UBR1: variants seen among roughly 807,000 people sequenced by gnomAD.
UBR1 encodes ubiquitin protein ligase E3 component n-recognin 1.
Under a neutral mutation model 242.1 loss-of-function variants are expected in UBR1, and 102 were observed. The ratio of observed to expected loss-of-function variants is 0.42; its 90% CI spans 0.36 to 0.50. The LOEUF (loss-of-function observed/expected upper bound fraction) is 0.50. Ranked by LOEUF, UBR1 falls within the 20% of genes least tolerant of loss-of-function variation. The pLI, the probability that UBR1 is intolerant of heterozygous loss-of-function variation, is 0.01. For synonymous variants in UBR1, 675 were observed against 684.8 expected (o/e 0.99, Z 0.22); for missense variants, 1,772 against 2,101.8 (o/e 0.84, Z 3.07).
chr15:43,031,585 C>G (rs1487032886), intron 20 of UBR1, among the ~76,000 whole-genome samples: 1 of 152,186 alleles, frequency 6.6e-6, no homozygotes, highest in Non-Finnish European at 1.5e-5. Flanking sequence ...GGTCTAGCAA[C>G]TAGCTCTCTG....
intron 3 of UBR1, among the ~76,000 whole-genome samples, chr15:43,079,545 C>T (rs537508848): frequency 3.9e-5 from 6 of 152,026 alleles, no homozygotes; most frequent in African/African-American, 7.2e-5. Context: ...TTTGGGAGGA[C>T]GAGGCGGGTG....
chr15:43,024,212 T>C (rs962406937), intron 25 of UBR1, among the ~76,000 whole-genome samples: 9 of 152,204 alleles, frequency 5.9e-5, no homozygotes, highest in Admixed American at 5.9e-4. Context: ...GGCACACATA[T>C]GGCAATGACA....
intron 33 of UBR1, among the ~76,000 whole-genome samples, chr15:42,995,824 TGAA>T (rs1239976234): frequency 6.6e-6 from 1 of 152,178 alleles, no homozygotes; most frequent in Non-Finnish European, 1.5e-5. Flanking sequence ...TGTTATAAAA[TGAA>T]GGAGGAGGGG....
chr15:43,041,299 T>C (rs545447621), intron 15 of UBR1, among the ~76,000 whole-genome samples: 1 of 152,292 alleles, frequency 6.6e-6, no homozygotes, highest in East Asian at 1.9e-4. Flanking sequence ...TGTAGGGACA[T>C]GAATGAAGCT....
At chr15:42,966,354 C>T in intron 40 of UBR1, 68 bp from the exon 41 acceptor site, 2 of 1,580,792 alleles carry the variant, frequency 1.3e-6, no homozygotes, top group African/African-American at 1.3e-5. Context: ...TTAAACATAT[C>T]CCCCTTTTCA....
At chr15:43,048,256 G>A (rs2033510125) in intron 13 of UBR1, 136 bp downstream of exon 13, 1 of 669,782 alleles carries the variant, frequency 1.5e-6, no homozygotes, top group Non-Finnish European at 2.5e-6. Flanking sequence ...GGATGAGTGA[G>A]TCAATGTTTA....
Position 43,026,385 on chromosome 15 carries a change from T to A in UBR1, c.2535+176A>T, listed in dbSNP as rs1019623084. ...CATATGTAGTATAATCAGGAAAATC[T>A]GAATATTGCCTGTATACTAGATAAG... On this transcript the variant is annotated intron_variant, in intron 23 of 46. Transcript: ENST00000290650. The A allele has an allele frequency of 6.9e-6, 4 of 578,596 alleles. No individual in the cohort carries two copies. In the Admixed American group the frequency reaches 1.2e-4, roughly 18 times the overall value. The allele number at this position is 578,596 out of a possible 1,614,324, so 35.8% of individuals were successfully genotyped here.
intron 35 of UBR1, among the ~76,000 whole-genome samples, chr15:42,988,267 A>ATGTGTGTG (rs774155766): frequency 1.2e-3 from 137 of 113,706 alleles, no homozygotes; most frequent in African/African-American, 3.4e-3. Context: ...CTAAAGGAAT[A>ATGTGTGTG]TATGTGTGTG....
At chr15:43,105,887 C>T in intron 1 of UBR1, 55 bp downstream of exon 1, 1 of 1,534,846 alleles carries the variant, frequency 6.5e-7, no homozygotes, top group African/African-American at 1.4e-5. Flanking sequence ...TCCTCCTAAG[C>T]GCAGTAGGGA....
chr15:43,059,842 C>T lies in UBR1; in HGVS notation c.862-17G>A, dbSNP rs778354555. ...TGAATGACTCTACAAATGAAGGGAA[C>T]GAACCAAAAAAATAGCATTTAAAAT... On this transcript the variant is annotated splice_polypyrimidine_tract_variant and intron_variant, in intron 7 of 46. Transcript: ENST00000290650. 2 of 1,613,300 alleles carry T rather than the reference C, an allele frequency of 1.2e-6. No individual in the cohort carries two copies. The highest frequency in any genetic ancestry group is 8.5e-7 in the Non-Finnish European group (1 of 1,179,602).
chr15:43,025,436 A>G lies in UBR1; in HGVS notation c.2536-7T>C. On this transcript the variant is annotated splice_region_variant and splice_polypyrimidine_tract_variant and intron_variant, in intron 23 of 46. Coordinates refer to ENST00000290650, the MANE Select transcript of UBR1 (RefSeq NM_174916.3). ...TCTTCTGCATATGTTCAGCCTATAA[A>G]AAAATCTATCATTAAATATACTGCT... 1 of 1,597,990 alleles carries G rather than the reference A, an allele frequency of 6.3e-7. No individual in the cohort carries two copies. Among genetic ancestry groups the G allele is most frequent in the Non-Finnish European group, 8.6e-7 (1 of 1,169,588 alleles).
intron 33 of UBR1, among the ~76,000 whole-genome samples, chr15:42,994,667 T>C (rs545282305): frequency 6.6e-6 from 1 of 152,312 alleles, no homozygotes; most frequent in Admixed American, 6.5e-5. Context: ...GTAGGCAATA[T>C]AGATAAAATG....
intron 15 of UBR1, among the ~76,000 whole-genome samples, chr15:43,038,706 G>A (rs1479277171): frequency 1.3e-5 from 2 of 152,046 alleles, no homozygotes; most frequent in East Asian, 1.9e-4. Context: ...TATTACTAAC[G>A]TATTTAAAAT....
chr15:43,014,554 G>A (rs1301741169), intron 29 of UBR1, among the ~76,000 whole-genome samples: 2 of 150,670 alleles, frequency 1.3e-5, no homozygotes, highest in African/African-American at 4.9e-5. Context: ...GGATGTGAGT[G>A]CCTCTGCCCG....
chr15:43,002,531 A>T (rs866246075), intron 32 of UBR1, 24 bp downstream of exon 32: 1 of 1,610,428 alleles, frequency 6.2e-7, no homozygotes, highest in Non-Finnish European at 8.5e-7. Context: ...TAAAAAATTA[A>T]CCAAAACATA....
chr15:42,996,261 G>A (rs1422101873), intron 33 of UBR1, among the ~76,000 whole-genome samples: 3 of 152,038 alleles, frequency 2.0e-5, no homozygotes, highest in Non-Finnish European at 2.9e-5. Flanking sequence ...TGCGTAACAT[G>A]CACACATATG....
At chr15:42,952,736 G>T (rs1596073017) in intron 44 of UBR1, among the ~76,000 whole-genome samples, 1 of 152,140 alleles carries the variant, frequency 6.6e-6, no homozygotes, top group South Asian at 2.1e-4. Flanking sequence ...CCTTGTGATT[G>T]AGATTCACTG....
intron 35 of UBR1, among the ~76,000 whole-genome samples, chr15:42,987,511 C>T (rs144230475): frequency 0.012 from 1,760 of 152,062 alleles, 30 homozygotes; most frequent in African/African-American, 0.039. Flanking sequence ...GTCAAGAGAT[C>T]GAGACCATCC....
At chr15:43,048,566 C>A (rs962632158) in intron 12 of UBR1, 75 bp from the exon 13 acceptor site, 7 of 1,153,946 alleles carry the variant, frequency 6.1e-6, no homozygotes, top group African/African-American at 1.6e-5. Flanking sequence ...GGGTTATAGA[C>A]AATGTTGATT....
Sources: gnomAD v4.1 joint callset for allele counts (sites outside exome capture counted in the v4.1 genomes callset) on GRCh38, gnomAD v4.1.1 for gene constraint, MANE v1.5 for transcripts, NCBI Gene and HGNC (gene_info 2026-07-23, HGNC 2026-07-21) for gene names.